The following GABRG3 variants were observed in gnomAD, a reference collection of about 807,000 sequenced individuals.
GABRG3 encodes gamma-aminobutyric acid type A receptor subunit gamma3.
Under a neutral mutation model 48.8 loss-of-function variants are expected in GABRG3, and 25 were observed. That is an observed-to-expected ratio of 0.51 (90% CI 0.37 to 0.72). The LOEUF is 0.72. Among genes scored for constraint, GABRG3 ranks in the 30% least tolerant of loss-of-function variants. GABRG3 has a pLI of 0.00. For synonymous variants in GABRG3, 227 were observed against 217.6 expected (o/e 1.04, Z -0.38); for missense variants, 394 against 577.9 (o/e 0.68, Z 3.26).
chr15:27,288,550 C>G (rs1445878369), intron 3 of GABRG3, among the ~76,000 whole-genome samples: 1 of 151,944 alleles, frequency 6.6e-6, no homozygotes, highest in East Asian at 1.9e-4. Context: ...TGCCACTGAT[C>G]TGACAGGAGG....
chr15:27,407,773 G>T (rs1445802889), intron 5 of GABRG3, among the ~76,000 whole-genome samples: 1 of 152,214 alleles, frequency 6.6e-6, no homozygotes, highest in East Asian at 1.9e-4. Flanking sequence ...TATGGAGACT[G>T]TATAGAGAAC....
intron 2 of GABRG3, among the ~76,000 whole-genome samples, chr15:27,014,189 C>T (rs758562216): frequency 5.3e-5 from 8 of 151,970 alleles, no homozygotes; most frequent in Non-Finnish European, 1.2e-4. Context: ...AGTCTTCTCT[C>T]ATTTTTTTCT....
rs529894115 is a variant in GABRG3 at position 27,332,648 on chromosome 15, T to TC, written c.574+3762dup. On this transcript the variant is annotated intron_variant, in intron 5 of 9. Coordinates refer to ENST00000615808, the MANE Select transcript of GABRG3 (RefSeq NM_033223.5). ...TAAATACACTCTGAAGCTGTATTTT[T>TC]CCACTTAAAAATTTTATAGTAACAA... 5.7e-3 allele frequency among the ~76,000 whole-genome samples: 866 copies of TC among 152,360 alleles called. 3 individuals are homozygous for TC. Among genetic ancestry groups the TC allele is most frequent in the Non-Finnish European group, 9.7e-3 (661 of 68,040 alleles).
intron 1 of GABRG3, among the ~76,000 whole-genome samples, chr15:26,973,202 T>A (rs1461445340): frequency 6.6e-6 from 1 of 152,220 alleles, no homozygotes; most frequent in Non-Finnish European, 1.5e-5. Flanking sequence ...CACTACTGCA[T>A]GTGCTTAGTA....
intron 3 of GABRG3, among the ~76,000 whole-genome samples, chr15:27,036,143 A>T (rs1476012826): frequency 1.3e-5 from 2 of 152,242 alleles, no homozygotes; most frequent in Non-Finnish European, 2.9e-5. Context: ...TCGAATAAAC[A>T]AATATGCACA....
Position 27,532,956 on chromosome 15 carries a change from C to T in GABRG3, c.*75C>T. The T allele has an allele frequency of 2.1e-6, 3 of 1,416,994 alleles. No individual in the cohort carries two copies. The highest frequency in any genetic ancestry group is 2.9e-6 in the Non-Finnish European group (3 of 1,036,614). 87.8% of individuals were successfully genotyped at this position (1,416,994 alleles called of 1,614,324 possible). On this transcript the variant is annotated 3_prime_UTR_variant, in exon 10 of 10. Coordinates refer to ENST00000615808, the MANE Select transcript of GABRG3 (RefSeq NM_033223.5). Reference sequence around the variant, plus strand: ...CTGTCGTCCCCAGACCAGTAGTGACCAATCGGGAGTAGCAAGGAAGGACAC... The same window carrying T: ...CTGTCGTCCCCAGACCAGTAGTGACTAATCGGGAGTAGCAAGGAAGGACAC...
At chr15:27,267,361 T>C (rs7494866) in intron 3 of GABRG3, among the ~76,000 whole-genome samples, 90,037 of 151,612 alleles carry the variant, frequency 0.59, 27,351 homozygotes, top group Non-Finnish European at 0.65. Context: ...CCTGCCTCAG[T>C]CTCCCAAAGT....
rs1369519607 is a variant in GABRG3, at chr15:27,464,781, C to CTAT, written c.575-15868_575-15867insATT. Among the ~76,000 whole-genome samples, 30 of 152,230 alleles carry CTAT rather than the reference C, an allele frequency of 2.0e-4. No individual in the cohort carries two copies. In the East Asian group the frequency reaches 5.0e-3, roughly 25 times the overall value. On this transcript the variant is annotated intron_variant, in intron 5 of 9. Coordinates refer to ENST00000615808, the MANE Select transcript of GABRG3 (RefSeq NM_033223.5). ...TCCTTTAAAAAATTCTATTTAAATT[C>CTAT]TTTGCCCATTTTTAAATGGACTATT...
intron 3 of GABRG3, among the ~76,000 whole-genome samples, chr15:27,190,432 A>C: frequency 6.6e-6 from 1 of 152,158 alleles, no homozygotes. Flanking sequence ...CAGAGATTCA[A>C]CTTTTTCCTG....
intron 3 of GABRG3, among the ~76,000 whole-genome samples, chr15:27,242,709 G>A (rs886711062): frequency 1.3e-5 from 2 of 152,224 alleles, no homozygotes; most frequent in African/African-American, 2.4e-5. Context: ...ATGAAGAATA[G>A]TGCAGTTCGG....
intron 3 of GABRG3, among the ~76,000 whole-genome samples, chr15:27,105,931 A>G (rs1301301973): frequency 6.6e-6 from 1 of 152,110 alleles, no homozygotes; most frequent in Non-Finnish European, 1.5e-5. Context: ...ATACAATGCA[A>G]TATTATTCAG....
intron 3 of GABRG3, among the ~76,000 whole-genome samples, chr15:27,125,230 A>C (rs1270681684): frequency 6.6e-6 from 1 of 152,194 alleles, no homozygotes; most frequent in African/African-American, 2.4e-5. Flanking sequence ...ATAGGTAAAG[A>C]AATAGTGTTG....
intron 3 of GABRG3, among the ~76,000 whole-genome samples, chr15:27,141,903 C>CT (rs1342790840): frequency 6.6e-6 from 1 of 152,196 alleles, no homozygotes; most frequent in African/African-American, 2.4e-5. Flanking sequence ...CATCTCTCAT[C>CT]TGTCTTTGCC....
Position 27,541,865 on chromosome 15 carries a change from C to T in GABRG3, c.*8984C>T, listed in dbSNP as rs1891666625. 6.6e-6 allele frequency: 1 copy of T among 152,256 alleles called. No individual in the cohort carries two copies. Among genetic ancestry groups the T allele is most frequent in the Admixed American group, 6.5e-5 (1 of 15,288 alleles). 9.4% of individuals were successfully genotyped at this position (152,256 alleles called of 1,614,324 possible). ...ACACGGGCGGCGCCGCGCCCCGCTT[C>T]GTGCGTCCCGTCCCCGCCGTGCCCT... On this transcript the variant is annotated 3_prime_UTR_variant, in exon 10 of 10. Coordinates refer to ENST00000615808, the MANE Select transcript of GABRG3 (RefSeq NM_033223.5).
At chr15:27,513,366 C>A (rs899945014) in intron 6 of GABRG3, among the ~76,000 whole-genome samples, 1 of 151,694 alleles carries the variant, frequency 6.6e-6, no homozygotes, top group African/African-American at 2.4e-5. Context: ...AGGAGAATGG[C>A]GTGAACCTGG....
chr15:27,404,895 C>A (rs533927356), intron 5 of GABRG3, among the ~76,000 whole-genome samples: 2 of 152,240 alleles, frequency 1.3e-5, no homozygotes, highest in Admixed American at 1.3e-4. Flanking sequence ...AATGGCATGG[C>A]TCTTTCTGCT....
chr15:27,406,932 G>A (rs1887653149), intron 5 of GABRG3, among the ~76,000 whole-genome samples: 1 of 151,930 alleles, frequency 6.6e-6, no homozygotes, highest in Admixed American at 6.6e-5. Flanking sequence ...TTTTGTTGTT[G>A]TTGTTGTTGT....
chr15:27,237,483 A>T (rs1890009943), intron 3 of GABRG3, among the ~76,000 whole-genome samples: 1 of 152,222 alleles, frequency 6.6e-6, no homozygotes, highest in Admixed American at 6.5e-5. Flanking sequence ...AGCAGCCGGC[A>T]GTCGCCAACA....
At chr15:27,387,494 G>T (rs761998567) in intron 5 of GABRG3, among the ~76,000 whole-genome samples, 1 of 151,948 alleles carries the variant, frequency 6.6e-6, no homozygotes, top group Non-Finnish European at 1.5e-5. Context: ...TGTAATTAGG[G>T]GGTATTCCAT....
Sources: gnomAD v4.1 joint callset for allele counts (sites outside exome capture counted in the v4.1 genomes callset) on GRCh38, gnomAD v4.1.1 for gene constraint, MANE v1.5 for transcripts, NCBI Gene and HGNC (gene_info 2026-07-23, HGNC 2026-07-21) for gene names.